Variants in CRCP observed in about 807,000 individuals in gnomAD.
CRCP encodes the protein DNA-directed RNA polymerase III subunit RPC9.
CRCP carries 18 observed loss-of-function variants against 18.5 expected under a neutral mutation model. The ratio of observed to expected loss-of-function variants is 0.97; its 90% confidence interval spans 0.67 to 1.44. The LOEUF (loss-of-function observed/expected upper bound fraction) is 1.44, where lower values mean the gene tolerates loss of function less well. Ranked by LOEUF, CRCP falls within the 40% of genes most tolerant of loss-of-function variation. The probability of loss-of-function intolerance (pLI) is 0.00; values close to 1 mark genes in which losing one functional copy is unlikely to be tolerated. For synonymous variants in CRCP, 53 were observed against 62.9 expected, an observed-to-expected ratio of 0.84 and a Z score of 0.75; for missense variants, 130 against 176.4, an observed-to-expected ratio of 0.74 and a Z score of 1.49.
Position 66,131,565 on chromosome 7 carries a change from C to T in CRCP, c.144+723C>T, listed in dbSNP as rs151147969. Among the ~76,000 whole-genome samples, 1,157 of 152,138 alleles carry T rather than the reference C, an allele frequency of 7.6e-3. 18 individuals carry two copies. The highest frequency in any genetic ancestry group is 0.026 in the African/African-American group (1,084 of 41,470). On this transcript the variant is annotated intron_variant, in intron 3 of 5. Coordinates refer to ENST00000395326, the MANE Select transcript of CRCP (RefSeq NM_014478.5). ...GGCTTAAGGGATCTTCCCACTGCAGCGTCCCAAAGTGCTGGGAACTTACAC... is the reference window on the plus strand; with the variant it reads ...GGCTTAAGGGATCTTCCCACTGCAGTGTCCCAAAGTGCTGGGAACTTACAC...
intron 5 of CRCP, among the ~76,000 whole-genome samples, chr7:66,150,063 C>A (rs1788412124): frequency 6.6e-6 from 1 of 151,828 alleles, no homozygotes; most frequent in South Asian, 2.1e-4. Context: ...ACCTCAGCCT[C>A]CCAAAGTGCT....
chr7:66,119,724 A>G (rs1584056988), intron 1 of CRCP: 1 of 152,244 alleles, frequency 6.6e-6, no homozygotes, highest in Non-Finnish European at 1.5e-5. Flanking sequence ...CTGTTTGATT[A>G]TCAACCAACT....
intron 4 of CRCP, among the ~76,000 whole-genome samples, chr7:66,144,516 G>A (rs79394858): frequency 0.015 from 2,289 of 152,270 alleles, 61 homozygotes; most frequent in East Asian, 0.093. Context: ...TTTAGAGATA[G>A]GGTGTGGCTC....
chr7:66,143,473 G>A (rs190142362), intron 4 of CRCP, among the ~76,000 whole-genome samples: 1 of 152,146 alleles, frequency 6.6e-6, no homozygotes, highest in African/African-American at 2.4e-5. Context: ...GCACGTCCTT[G>A]TGTTGTTCCT....
chr7:66,115,369 A>C (rs1391241777), intron 1 of CRCP, among the ~76,000 whole-genome samples: 2 of 152,174 alleles, frequency 1.3e-5, no homozygotes, highest in South Asian at 2.1e-4. Flanking sequence ...AGGAGAGACG[A>C]ATCAGGGCCG....
rs890802726 is a variant in CRCP at position 66,131,771 on chromosome 7, CT to C, written c.144+942del. Reference sequence around the variant, plus strand: ...ATCTTTTTATTTTGAAATCATTTTTCTTTTTTTTTTTTTGAGACGGATTCTC... The same window carrying C: ...ATCTTTTTATTTTGAAATCATTTTTCTTTTTTTTTTTTGAGACGGATTCTC... On this transcript the variant is annotated intron_variant, in intron 3 of 5. Coordinates refer to ENST00000395326, the MANE Select transcript of CRCP (RefSeq NM_014478.5). 2.1e-3 allele frequency among the ~76,000 whole-genome samples: 307 copies of C among 144,246 alleles called. 1 individual carries two copies. The highest frequency in any genetic ancestry group is 0.013 in the South Asian group (58 of 4,582). 94.6% of individuals were successfully genotyped at this position (144,246 alleles called of 152,430 possible).
intron 1 of CRCP, among the ~76,000 whole-genome samples, chr7:66,123,820 A>T (rs1787526239): frequency 6.6e-6 from 1 of 150,932 alleles, no homozygotes; most frequent in African/African-American, 2.4e-5. Context: ...TGGGAGGCCG[A>T]GGCGGGCGGA....
intron 4 of CRCP, among the ~76,000 whole-genome samples, chr7:66,140,056 G>A (rs1788088318): frequency 6.6e-6 from 1 of 152,256 alleles, no homozygotes; most frequent in African/African-American, 2.4e-5. Context: ...GGGCACTCTG[G>A]ACAGCAAGGG....
intron 4 of CRCP, among the ~76,000 whole-genome samples, chr7:66,134,893 T>C (rs1787926325): frequency 6.6e-6 from 1 of 152,210 alleles, no homozygotes; most frequent in African/African-American, 2.4e-5. Context: ...TGAGTTTCAT[T>C]ATCCTTACCA....
intron 5 of CRCP, 104 bp downstream of exon 5, chr7:66,145,604 A>G (rs1788270787): frequency 3.4e-6 from 4 of 1,173,180 alleles, no homozygotes; most frequent in Admixed American, 1.8e-5. Context: ...AGGCTGCCCA[A>G]CCACTCCATT....
At chr7:66,121,034 CATAATAATAATA>C (rs10607378) in intron 1 of CRCP, among the ~76,000 whole-genome samples, 14 of 145,374 alleles carry the variant, frequency 9.6e-5, no homozygotes, top group East Asian at 8.0e-4. Flanking sequence ...GTAACTAATA[CATAATAATAATA>C]ATAATAATAA....
chr7:66,116,198 T>C (rs920546551), intron 1 of CRCP, among the ~76,000 whole-genome samples: 2 of 152,132 alleles, frequency 1.3e-5, no homozygotes, highest in African/African-American at 4.8e-5. Context: ...GTCTATTTTT[T>C]ATTAATATGA....
intron 4 of CRCP, among the ~76,000 whole-genome samples, chr7:66,140,087 G>T (rs1788089218): frequency 6.6e-6 from 1 of 152,272 alleles, no homozygotes; most frequent in Non-Finnish European, 1.5e-5. Context: ...GGCTACGCCT[G>T]TTGCTGGTCC....
At chr7:66,116,192 A>AT (rs991130546) in intron 1 of CRCP, among the ~76,000 whole-genome samples, 9 of 151,986 alleles carry the variant, frequency 5.9e-5, no homozygotes, top group African/African-American at 2.2e-4. Context: ...CATATTGTCT[A>AT]TTTTTTATTA....
At position 66,130,753 on chromosome 7, in the gene CRCP, T is replaced by G; in HGVS notation, c.55T>G (p.Leu19Val). 1.2e-6 allele frequency: 2 copies of G among 1,601,984 alleles called. No homozygotes were observed. Among genetic ancestry groups the G allele is most frequent in the Non-Finnish European group, 8.5e-7 (1 of 1,170,566 alleles). The change falls in exon 3 of 6, where the codon TTA becomes GTA. Residue 19 changes from leucine (L) to valine (V), a missense_variant. Transcript: ENST00000395326. ...ALLSNYEVFQ[L>V]LTDLKEQRKE... is the part of the protein sequence containing the mutation. Reference sequence around the variant, plus strand: ...TTGTATCTCCTCCTAGGTATTTCAGTTACTAACTGATCTGAAAGAGCAGCG... The same window carrying G: ...TTGTATCTCCTCCTAGGTATTTCAGGTACTAACTGATCTGAAAGAGCAGCG...
chr7:66,124,610 C>T (rs959674926), intron 1 of CRCP, among the ~76,000 whole-genome samples: 58 of 150,742 alleles, frequency 3.8e-4, no homozygotes, highest in African/African-American at 1.3e-3. Flanking sequence ...ATTCAAACTC[C>T]GGGACGAAGT....
chr7:66,148,281 G>C (rs1788358313), intron 5 of CRCP, among the ~76,000 whole-genome samples: 1 of 152,172 alleles, frequency 6.6e-6, no homozygotes. Flanking sequence ...AGAATCGCTT[G>C]AACCTGGGAG....
chr7:66,152,055 C>G (rs1788493031), intron 5 of CRCP, among the ~76,000 whole-genome samples, 153 bp from the exon 6 acceptor site: 1 of 152,152 alleles, frequency 6.6e-6, no homozygotes, highest in Non-Finnish European at 1.5e-5. Context: ...TGGCTCCACC[C>G]TTCCGTCTGT....
At chr7:66,133,802 T>TTGG (rs1455057710) in intron 3 of CRCP, among the ~76,000 whole-genome samples, 1 of 151,266 alleles carries the variant, frequency 6.6e-6, no homozygotes, top group African/African-American at 2.4e-5. Context: ...TACACGAAGA[T>TTGG]TGGTTCTCCT....
Sources: allele counts gnomAD v4.1 joint callset (sites outside exome capture counted in the v4.1 genomes callset), GRCh38; gene constraint gnomAD v4.1.1; transcripts MANE v1.5; gene names NCBI Gene and HGNC (gene_info 2026-07-23, HGNC 2026-07-21).